Variants in INPP1 observed in about 807,000 individuals in gnomAD.
INPP1 encodes the protein inositol polyphosphate-1-phosphatase, also known as inositol polyphosphate 1-phosphatase.
A neutral mutation model predicts 23.0 loss-of-function variants in INPP1; 18 were observed. That is an observed-to-expected ratio of 0.78 (90% CI 0.54 to 1.16). The LOEUF (loss-of-function observed/expected upper bound fraction) is 1.16. INPP1 is among the 50% of genes most tolerant of loss of function. The pLI is 0.00. For synonymous variants in INPP1, 164 were observed against 176.3 expected (o/e 0.93, Z 0.55); for missense variants, 448 against 482.1 (o/e 0.93, Z 0.66).
intron 3 of INPP1, among the ~76,000 whole-genome samples, chr2:190,362,234 C>T (rs528111952): frequency 3.0e-4 from 46 of 152,270 alleles, no homozygotes; most frequent in Non-Finnish European, 5.4e-4. Context: ...GATACTTGAT[C>T]AACGAAATTG....
In INPP1 at chr2:190,366,831, A is replaced by G; in HGVS notation, c.402A>G (p.Pro134=). The change falls in exon 5 of 7, where the codon CCA becomes CCG. Residue 134 remains proline, a synonymous_variant. Coordinates refer to ENST00000392329, the MANE Select transcript of INPP1 (RefSeq NM_001128928.2). ...VVHQDVAFTD[P]TLDSTEINVP... ...ATCAGGATGTTGCCTTTACTGACCC[A>G]ACTCTGGATTCCACAGAGATCAATG... 1 of 1,614,094 alleles carries G rather than the reference A, an allele frequency of 6.2e-7. No individual in the cohort carries two copies. Among genetic ancestry groups the G allele is most frequent in the South Asian group, 1.1e-5 (1 of 91,080 alleles).
In INPP1 at chr2:190,352,854, A is replaced by G. The variant is rs955402540; in HGVS notation, c.-65+3823A>G. On this transcript the variant is annotated intron_variant, in intron 2 of 6. Transcript: ENST00000392329. This position sits in a 1 kb window ranked among gnomAD's most constrained non-coding sequence, Gnocchi z 4.7. Reference sequence around the variant, plus strand: ...GTAAAACACCCAGATATTTCACGGAAGCTTGGCCTTTTCCACTAGCAGCAA... The same window carrying G: ...GTAAAACACCCAGATATTTCACGGAGGCTTGGCCTTTTCCACTAGCAGCAA... Among the ~76,000 whole-genome samples the G allele has an allele frequency of 6.6e-6, 1 of 152,210 alleles. No individual in the cohort carries two copies. The highest frequency in any genetic ancestry group is 1.5e-5 in the Non-Finnish European group (1 of 68,044).
rs1365060381 is a variant in INPP1, at chr2:190,345,857, G to GTA, written c.-209+1896_-209+1897insTA. 7.2e-5 allele frequency among the ~76,000 whole-genome samples: 11 copies of GTA among 152,278 alleles called. No individual in the cohort carries two copies. The East Asian group carries it at 1.3e-3, about 19-fold the overall frequency. On this transcript the variant is annotated intron_variant, in intron 1 of 6. Coordinates refer to ENST00000392329, the MANE Select transcript of INPP1 (RefSeq NM_001128928.2). The surrounding 1 kb of genome is among the most constrained non-coding windows in gnomAD (Gnocchi z 4.9). ...AAAAATACAAAAATTAGCCAGGCGT[G>GTA]GTAGCAAGCACCTGTAGTCCCAGCT... is the stretch of plus-strand genomic sequence containing the variant.
In INPP1 at chr2:190,363,531, A is replaced by C. The variant is rs1280093600; in HGVS notation, c.265+844A>C. On this transcript the variant is annotated intron_variant, in intron 4 of 6. Transcript: ENST00000392329. This position sits in a 1 kb window ranked among gnomAD's most constrained non-coding sequence, Gnocchi z 4.4. ...TTAGTTTGTTTGGATTTAATAGTAG[A>C]AGAATAAAATAGTGAACATTAAATA... Among the ~76,000 whole-genome samples the C allele has an allele frequency of 6.6e-6, 1 of 152,194 alleles. No homozygotes were observed. The highest frequency in any genetic ancestry group is 2.4e-5 in the African/African-American group (1 of 41,450).
At position 190,345,414 on chromosome 2, in the gene INPP1, A is replaced by C. The variant is rs548764883; in HGVS notation, c.-209+1453A>C. The C allele has an allele frequency of 5.9e-5, 9 of 152,370 alleles. No homozygotes were observed. The East Asian group carries it at 1.7e-3, about 29-fold the overall frequency. 9.4% of individuals were successfully genotyped at this position (152,370 alleles called of 1,614,324 possible). Reference sequence around the variant, plus strand: ...TGACATAGAAGGCCTGTGAGACAAAAGTTATAAAGGTTATTATATATTTAT... The same window carrying C: ...TGACATAGAAGGCCTGTGAGACAAACGTTATAAAGGTTATTATATATTTAT... On this transcript the variant is annotated intron_variant, in intron 1 of 6. Coordinates refer to ENST00000392329, the MANE Select transcript of INPP1 (RefSeq NM_001128928.2). This position sits in a 1 kb window ranked among gnomAD's most constrained non-coding sequence, Gnocchi z 4.9.
intron 4 of INPP1, chr2:190,362,901 A>T (rs1689562700): frequency 2.8e-6 from 1 of 360,054 alleles, no homozygotes; most frequent in African/African-American, 2.1e-5. Context: ...TAGCAAGTCC[A>T]TGTATCATTT....
At chr2:190,347,796 GC>G (rs1304987513) in intron 1 of INPP1, among the ~76,000 whole-genome samples, 2 of 152,184 alleles carry the variant, frequency 1.3e-5, no homozygotes, top group Non-Finnish European at 2.9e-5. Context: ...CTTAAGGAAA[GC>G]ATAACTTAAA....
chr2:190,358,348 A>T (rs568735124), intron 2 of INPP1, among the ~76,000 whole-genome samples: 1 of 152,204 alleles, frequency 6.6e-6, no homozygotes, highest in East Asian at 1.9e-4. Context: ...AAGTGCTGGG[A>T]TTACAGGCAT....
At chr2:190,361,062 G>A (rs543065015) in intron 3 of INPP1, among the ~76,000 whole-genome samples, 6 of 152,216 alleles carry the variant, frequency 3.9e-5, no homozygotes, top group East Asian at 1.9e-4. Context: ...TTCTAAAGTC[G>A]TCGTTAAATA....
At chr2:190,369,930 A>G (rs1001555948) in intron 6 of INPP1, among the ~76,000 whole-genome samples, 10 of 152,186 alleles carry the variant, frequency 6.6e-5, no homozygotes, top group African/African-American at 2.4e-4. Context: ...TTTCACTTAT[A>G]TAGGATTACA....
At chr2:190,364,044 T>C (rs1001834630) in intron 4 of INPP1, among the ~76,000 whole-genome samples, 1 of 152,212 alleles carries the variant, frequency 6.6e-6, no homozygotes, top group Non-Finnish European at 1.5e-5. Context: ...CCCATAAGTT[T>C]TACTGAGCCC....
intron 2 of INPP1, among the ~76,000 whole-genome samples, chr2:190,358,355 G>A (rs532941047): frequency 8.7e-4 from 133 of 152,238 alleles, no homozygotes; most frequent in East Asian, 4.6e-3. Context: ...GGGATTACAG[G>A]CATGAGCCAC....
chr2:190,371,004 G>A lies in INPP1; in HGVS notation c.802G>A (p.Glu268Lys). 6.2e-7 allele frequency: 1 copy of A among 1,614,178 alleles called. No homozygotes were observed. ...PSFSAVISTS[E>K]KETIKAALSR... is the part of the protein sequence containing the mutation. The stretch of plus-strand genomic sequence containing the variant: ...TTTTTCAGCCGTAATTAGTACAAGT[G>A]AAAAGGAGACTATCAAAGCTGCATT... The change falls in exon 7 of 7, where the codon GAA (glutamate) becomes AAA (lysine). Residue 268 changes from glutamate to lysine, a missense_variant. By Grantham distance (56) the Glu-to-Lys change is moderately conservative. Coordinates refer to ENST00000392329, the MANE Select transcript of INPP1 (RefSeq NM_001128928.2). This position sits in a 1 kb window ranked among gnomAD's most constrained non-coding sequence, Gnocchi z 5.3.
At chr2:190,343,993 A>T (rs951083804) in intron 1 of INPP1, 32 bp downstream of exon 1, 5 of 320,850 alleles carry the variant, frequency 1.6e-5, no homozygotes, top group Non-Finnish European at 3.3e-5. Flanking sequence ...GACACCCACC[A>T]CAGGGTCCCC....
At chr2:190,364,415 G>A (rs981585449) in intron 4 of INPP1, among the ~76,000 whole-genome samples, 4 of 151,578 alleles carry the variant, frequency 2.6e-5, no homozygotes, top group African/African-American at 9.7e-5. Flanking sequence ...GGTGGCGGGC[G>A]CCTGTAGTCC....
Position 190,360,047 on chromosome 2 carries a change from C to A in INPP1, c.-56C>A. ...TTCTTGTATTTTTCCAGCTGACGGC[C>A]CAGAGGGTGGGTGCCAATTCCACCA... is the stretch of plus-strand genomic sequence containing the variant. On this transcript the variant is annotated 5_prime_UTR_variant, in exon 3 of 7. Coordinates refer to ENST00000392329, the MANE Select transcript of INPP1 (RefSeq NM_001128928.2). 1 of 1,561,600 alleles carries A rather than the reference C, an allele frequency of 6.4e-7. No individual in the cohort carries two copies. Among genetic ancestry groups the A allele is most frequent in the Non-Finnish European group, 8.8e-7 (1 of 1,135,360 alleles).
At position 190,371,258 on chromosome 2, in the gene INPP1, G is replaced by C. The variant is rs1256762837; in HGVS notation, c.1056G>C (p.Val352=). Residue 352 remains valine, a synonymous_variant, in exon 7 of 7, where the codon GTG becomes GTC. Coordinates refer to ENST00000392329, the MANE Select transcript of INPP1 (RefSeq NM_001128928.2). The surrounding 1 kb of genome is among the most constrained non-coding windows in gnomAD (Gnocchi z 5.3). ...PETGLDLPQL[V]YHVENEGAAG... ...CAGGGCTTGATTTGCCACAGTTGGT[G>C]TACCACGTGGAAAATGAGGGTGCTG... 6.2e-7 allele frequency: 1 copy of C among 1,612,592 alleles called. No homozygotes were observed. Among genetic ancestry groups the C allele is most frequent in the Admixed American group, 1.7e-5 (1 of 59,924 alleles).
At chr2:190,369,364 A>G (rs1291824549) in intron 6 of INPP1, 87 bp downstream of exon 6, 1 of 656,502 alleles carries the variant, frequency 1.5e-6, no homozygotes, top group Admixed American at 2.6e-5. Context: ...ACTATATGAC[A>G]TTCCCATGAC....
intron 1 of INPP1, among the ~76,000 whole-genome samples, chr2:190,347,572 G>GT (rs1689243236): frequency 6.6e-6 from 1 of 151,628 alleles, no homozygotes; most frequent in African/African-American, 2.4e-5. Context: ...TTGCTCATTT[G>GT]TTTTTATTTT....
Sources: allele counts gnomAD v4.1 joint callset (sites outside exome capture counted in the v4.1 genomes callset), GRCh38; gene constraint gnomAD v4.1.1; non-coding constraint Gnocchi (gnomAD v3.1); transcripts MANE v1.5; gene names NCBI Gene and HGNC (gene_info 2026-07-23, HGNC 2026-07-21).